Variants in FBN2 observed in about 807,000 individuals in gnomAD.
The protein encoded by FBN2 is fibrillin 2.
A neutral mutation model predicts 355.6 loss-of-function variants in FBN2; 105 were observed. That is an observed-to-expected ratio of 0.30 (90% CI 0.25 to 0.35). The LOEUF is 0.35. Ranked by LOEUF, FBN2 falls within the 10% of genes least tolerant of loss-of-function variation. FBN2 has a pLI of 1.00. For missense variants in FBN2, 3,280 were observed against 3,758.7 expected, an observed-to-expected ratio of 0.87 and a Z score of 3.33; for synonymous variants, 1,350 against 1,301.2, an observed-to-expected ratio of 1.04 and a Z score of -0.81.
intron 5 of FBN2, among the ~76,000 whole-genome samples, chr5:128,496,652 C>A (rs888581978): frequency 1.3e-5 from 2 of 151,786 alleles, no homozygotes; most frequent in African/African-American, 4.8e-5. Flanking sequence ...GAGGTTCCAG[C>A]CAGAATCAGA....
At chr5:128,481,958 C>G (rs6595829) in intron 5 of FBN2, among the ~76,000 whole-genome samples, 1 of 151,844 alleles carries the variant, frequency 6.6e-6, no homozygotes, top group Non-Finnish European at 1.5e-5. Flanking sequence ...ACTGTGGGTT[C>G]CATATGTAAT....
intron 36 of FBN2, among the ~76,000 whole-genome samples, chr5:128,313,766 T>C (rs1352660334): frequency 7.2e-6 from 1 of 139,824 alleles, no homozygotes; most frequent in African/African-American, 2.7e-5. Flanking sequence ...GGCAGGAGAA[T>C]GGCATGAACC....
chr5:128,329,412 G>A (rs537995064), intron 33 of FBN2, among the ~76,000 whole-genome samples: 1 of 152,206 alleles, frequency 6.6e-6, no homozygotes, highest in South Asian at 2.1e-4. Context: ...AAAAATCACT[G>A]TTTAGTGAGG....
At position 128,263,472 on chromosome 5, in the gene FBN2, C is replaced by T; in HGVS notation, c.8145G>A (p.Gly2715=). The change falls in exon 63 of 65, where the codon GGG becomes GGA. Residue 2715 remains glycine, a synonymous_variant. Coordinates refer to ENST00000262464, the MANE Select transcript of FBN2 (RefSeq NM_001999.4). ...CAGGGGGGCAGCCACAGAGGTAGCCCCCCTCCGTGTTAGAGCAGCCGTAAT... is the reference window on the plus strand; with the variant it reads ...CAGGGGGGCAGCCACAGAGGTAGCCTCCCTCCGTGTTAGAGCAGCCGTAAT... ...PCNYGCSNTE[G]GYLCGCPPGY... is the part of the protein sequence containing the mutation. 6.2e-7 allele frequency: 1 copy of T among 1,614,086 alleles called. No homozygotes were observed. The highest frequency in any genetic ancestry group is 8.5e-7 in the Non-Finnish European group (1 of 1,179,980).
intron 5 of FBN2, among the ~76,000 whole-genome samples, chr5:128,489,268 G>A (rs1000402670): frequency 8.5e-5 from 13 of 152,126 alleles, no homozygotes; most frequent in African/African-American, 1.7e-4. Context: ...ATGCTAGATC[G>A]AAGTCAATAA....
chr5:128,298,812 C>T (rs1248847276), intron 48 of FBN2, among the ~76,000 whole-genome samples: 16 of 152,158 alleles, frequency 1.1e-4, no homozygotes, highest in East Asian at 3.9e-4. Context: ...GTAATTTGAT[C>T]GTCTGAAGCC....
intron 5 of FBN2, among the ~76,000 whole-genome samples, chr5:128,495,406 GA>G (rs1755629326): frequency 6.6e-6 from 1 of 152,054 alleles, no homozygotes; most frequent in African/African-American, 2.4e-5. Context: ...AGAAACAGCA[GA>G]AAACTTCCAA....
chr5:128,526,852 T>G (rs1350837070), intron 4 of FBN2, among the ~76,000 whole-genome samples: 5 of 152,284 alleles, frequency 3.3e-5, no homozygotes, highest in East Asian at 3.9e-4. Flanking sequence ...GCCACTGAAC[T>G]ATACACTTAA....
intron 5 of FBN2, among the ~76,000 whole-genome samples, chr5:128,518,503 C>G (rs1756347057): frequency 6.6e-6 from 1 of 152,108 alleles, no homozygotes; most frequent in South Asian, 2.1e-4. Flanking sequence ...AAGCTTAAAT[C>G]ATCTCCTGCT....
intron 6 of FBN2, among the ~76,000 whole-genome samples, chr5:128,453,071 C>A (rs759405216): frequency 2.6e-5 from 4 of 152,110 alleles, no homozygotes; most frequent in Non-Finnish European, 5.9e-5. Flanking sequence ...TATGGGGTGT[C>A]CTAGCAATCA....
chr5:128,393,853 C>G (rs943525698), intron 9 of FBN2, among the ~76,000 whole-genome samples: 2 of 151,962 alleles, frequency 1.3e-5, no homozygotes, highest in African/African-American at 4.8e-5. Context: ...TGGATTTTAA[C>G]GGTAGACAAT....
At chr5:128,360,122 A>C (rs1472395508) in intron 19 of FBN2, among the ~76,000 whole-genome samples, 1 of 152,140 alleles carries the variant, frequency 6.6e-6, no homozygotes, top group Non-Finnish European at 1.5e-5. Context: ...CAACAGACAA[A>C]ACTGAAAAAA....
intron 15 of FBN2, among the ~76,000 whole-genome samples, chr5:128,373,929 T>C (rs554706779): frequency 2.6e-5 from 4 of 152,300 alleles, no homozygotes; most frequent in Admixed American, 2.6e-4. Context: ...TGATGAGGAG[T>C]AACATTTTGA....
At chr5:128,400,089 A>G (rs958592745) in intron 8 of FBN2, among the ~76,000 whole-genome samples, 4 of 152,036 alleles carry the variant, frequency 2.6e-5, no homozygotes, top group African/African-American at 9.7e-5. Context: ...CATTTAAAAC[A>G]TAAGGAAGAG....
intron 7 of FBN2, among the ~76,000 whole-genome samples, chr5:128,438,698 G>C (rs748540539): frequency 6.6e-6 from 1 of 152,166 alleles, no homozygotes; most frequent in South Asian, 2.1e-4. Context: ...TTGTTCCGGG[G>C]AGACAAGAGT....
At chr5:128,457,939 C>G (rs1754444731) in intron 6 of FBN2, among the ~76,000 whole-genome samples, 1 of 151,668 alleles carries the variant, frequency 6.6e-6, no homozygotes, top group African/African-American at 2.4e-5. Context: ...ATTATGATAA[C>G]CGGATCAAAT....
At chr5:128,528,716 G>T (rs918019739) in intron 3 of FBN2, among the ~76,000 whole-genome samples, 6 of 152,168 alleles carry the variant, frequency 3.9e-5, no homozygotes, top group Admixed American at 2.6e-4. Flanking sequence ...CTCGGCCACC[G>T]AAGGGTTTTC....
chr5:128,405,862 C>G (rs1358428677), intron 8 of FBN2, among the ~76,000 whole-genome samples: 2 of 152,158 alleles, frequency 1.3e-5, no homozygotes, highest in Admixed American at 1.3e-4. Context: ...AACCTCACTT[C>G]CTTCTCCAGG....
intron 62 of FBN2, among the ~76,000 whole-genome samples, chr5:128,265,471 T>C (rs887892024): frequency 1.3e-5 from 2 of 152,190 alleles, no homozygotes; most frequent in African/African-American, 4.8e-5. Flanking sequence ...TAGACTTAAA[T>C]AAATATGTTC....
Sources: gnomAD v4.1 joint callset for allele counts (sites outside exome capture counted in the v4.1 genomes callset) on GRCh38, gnomAD v4.1.1 for gene constraint, MANE v1.5 for transcripts, NCBI Gene and HGNC (gene_info 2026-07-23, HGNC 2026-07-21) for gene names.